The following SYMPK variants were observed in gnomAD, a reference collection of about 807,000 sequenced individuals.
SYMPK encodes the protein symplekin.
A neutral mutation model predicts 136.4 loss-of-function variants in SYMPK; 49 were observed. The ratio of observed to expected loss-of-function variants is 0.36; its 90% CI spans 0.29 to 0.46. The LOEUF is 0.46. Ranked by LOEUF, SYMPK falls within the 20% of genes least tolerant of loss-of-function variation. The pLI, the probability that SYMPK is intolerant of heterozygous loss-of-function variation, is 1.00. For synonymous variants in SYMPK, 766 were observed against 713.0 expected (o/e 1.07, Z -1.19); for missense variants, 1,365 against 1,690.0 (o/e 0.81, Z 3.37).
chr19:45,853,927 G>C (rs1011566732), intron 3 of SYMPK, among the ~76,000 whole-genome samples: 1 of 152,234 alleles, frequency 6.6e-6, no homozygotes, highest in Non-Finnish European at 1.5e-5. Context: ...CCAGCTCCCA[G>C]CAGAGTGACC....
chr19:45,849,100 T>C (rs138183869), intron 5 of SYMPK, among the ~76,000 whole-genome samples: 1 of 152,264 alleles, frequency 6.6e-6, no homozygotes, highest in Non-Finnish European at 1.5e-5. Context: ...CTCAGGGCCC[T>C]GCTGTTCACA....
chr19:45,851,124 G>T (rs935116930), intron 5 of SYMPK, among the ~76,000 whole-genome samples: 4 of 152,160 alleles, frequency 2.6e-5, no homozygotes, highest in African/African-American at 9.7e-5. Flanking sequence ...CTGAGAGCAG[G>T]GGTGTGCCAA....
chr19:45,816,235 C>T, intron 25 of SYMPK, 52 bp from the exon 26 acceptor site: 3 of 1,336,102 alleles, frequency 2.2e-6, no homozygotes, highest in East Asian at 2.5e-5. Flanking sequence ...GCTCAGAGGA[C>T]GGCCGGAAAG....
intron 11 of SYMPK, among the ~76,000 whole-genome samples, chr19:45,833,415 C>A (rs1336457725): frequency 6.6e-6 from 1 of 151,996 alleles, no homozygotes; most frequent in African/African-American, 2.4e-5. Flanking sequence ...ACCTGGCTAA[C>A]ACGGTGAAAC....
chr19:45,818,472 G>GC (rs1970808180), intron 22 of SYMPK, among the ~76,000 whole-genome samples: 1 of 152,128 alleles, frequency 6.6e-6, no homozygotes, highest in South Asian at 2.1e-4. Context: ...GAGTGGCAGG[G>GC]CCCCCCACCC....
intron 20 of SYMPK, 32 bp downstream of exon 20, chr19:45,823,340 T>A: frequency 2.5e-6 from 4 of 1,603,960 alleles, no homozygotes; most frequent in Non-Finnish European, 3.4e-6. Context: ...ATGTCCCAGG[T>A]AGCAGGGACA....
At chr19:45,858,225 C>G (rs1971880211) in intron 1 of SYMPK, among the ~76,000 whole-genome samples, 1 of 152,204 alleles carries the variant, frequency 6.6e-6, no homozygotes, top group South Asian at 2.1e-4. Context: ...CTGTCACCCC[C>G]TATCTTGCTC....
chr19:45,840,185 C>T (rs189028730), intron 9 of SYMPK, among the ~76,000 whole-genome samples: 191 of 148,560 alleles, frequency 1.3e-3, no homozygotes, highest in African/African-American at 3.9e-3. Context: ...TATGATGGCG[C>T]GCACCAGTAG....
chr19:45,841,980 G>A (rs1057386340), intron 9 of SYMPK, among the ~76,000 whole-genome samples: 2 of 151,666 alleles, frequency 1.3e-5, no homozygotes, highest in African/African-American at 2.4e-5. Context: ...ATTAAATACT[G>A]TAATTTATTT....
At chr19:45,836,695 G>A (rs542539419) in intron 10 of SYMPK, among the ~76,000 whole-genome samples, 58 of 152,114 alleles carry the variant, frequency 3.8e-4, no homozygotes, top group African/African-American at 1.3e-3. Flanking sequence ...CTGGAGTGCA[G>A]TGGCGCCATC....
intron 18 of SYMPK, 149 bp downstream of exon 18, chr19:45,825,022 G>T (rs1227480694): frequency 4.3e-6 from 4 of 926,306 alleles, no homozygotes; most frequent in African/African-American, 1.7e-5. Context: ...CATGCGGACC[G>T]CCTGCAAGCT....
rs550262801 is a variant in SYMPK at position 45,823,931 on chromosome 19, G to T, written c.2491-56C>A. On this transcript the variant is annotated intron_variant, in intron 18 of 26. Coordinates refer to ENST00000245934, the MANE Select transcript of SYMPK (RefSeq NM_004819.3). ...AGGGTGAGAGCTTAGGGGAGGGTCA[G>T]GTGTTGCCCGGCAGGGTGGCTTGCG... 6.4e-6 allele frequency: 9 copies of T among 1,402,248 alleles called. No individual in the cohort carries two copies. The African/African-American group carries it at 1.7e-4, about 27-fold the overall frequency. The allele number at this position is 1,402,248 out of a possible 1,614,324, so 86.9% of individuals were successfully genotyped here. A position where few individuals can be genotyped will look rare whatever the true frequency, so the allele number is the denominator to read the frequency against.
chr19:45,837,066 T>C (rs1971319445), intron 10 of SYMPK, among the ~76,000 whole-genome samples: 1 of 151,956 alleles, frequency 6.6e-6, no homozygotes, highest in Non-Finnish European at 1.5e-5. Flanking sequence ...TCAAAGAAAG[T>C]AGCAGGAAAG....
intron 7 of SYMPK, among the ~76,000 whole-genome samples, chr19:45,846,072 T>TAAA (rs1035232024): frequency 6.6e-6 from 1 of 152,070 alleles, no homozygotes; most frequent in African/African-American, 2.4e-5. Context: ...CTGTCTCTAC[T>TAAA]AAAAATACAA....
chr19:45,825,067 C>T (rs557633609), intron 18 of SYMPK, 104 bp downstream of exon 18: 20 of 1,453,238 alleles, frequency 1.4e-5, no homozygotes, highest in Middle Eastern at 2.5e-4. Flanking sequence ...GACCACCCTT[C>T]GGGCTTGGCA....
intron 14 of SYMPK, 52 bp downstream of exon 14, chr19:45,828,918 C>G (rs1392077616): frequency 6.4e-7 from 1 of 1,565,112 alleles, no homozygotes; most frequent in East Asian, 2.3e-5. Context: ...GAGGGCAGCA[C>G]CAGGAGAGGA....
chr19:45,815,805 GC>G lies in SYMPK; in HGVS notation c.3687+45del, dbSNP rs764637144. 14 of 1,598,714 alleles carry G rather than the reference GC, an allele frequency of 8.8e-6. No homozygotes were observed. The African/African-American group carries it at 1.7e-4, about 20-fold the overall frequency. The stretch of plus-strand genomic sequence containing the variant: ...CCCCTCCTCCCCCACCTTCACCCCG[GC>G]CCAGATCCGGCTTCTTCCTTCGCAG... On this transcript the variant is annotated intron_variant, in intron 26 of 26. Coordinates refer to ENST00000245934, the MANE Select transcript of SYMPK (RefSeq NM_004819.3).
intron 12 of SYMPK, chr19:45,830,440 T>C (rs748336219): frequency 4.6e-5 from 24 of 518,418 alleles, no homozygotes; most frequent in Non-Finnish European, 8.1e-5. Context: ...TGAGTGGGGA[T>C]CTGAACGGAG....
intron 26 of SYMPK, 70 bp downstream of exon 26, chr19:45,815,781 C>T: frequency 1.5e-5 from 24 of 1,586,734 alleles, no homozygotes; most frequent in Non-Finnish European, 2.1e-5. Flanking sequence ...CCCTGATGGC[C>T]CCTCCTCCCC....
Sources: allele counts gnomAD v4.1 joint callset (sites outside exome capture counted in the v4.1 genomes callset), GRCh38; gene constraint gnomAD v4.1.1; transcripts MANE v1.5; gene names NCBI Gene and HGNC (gene_info 2026-07-23, HGNC 2026-07-21).